The following CTIF variants were observed in gnomAD, a reference collection of about 807,000 sequenced individuals.
CTIF encodes the protein CBP80/20-dependent translation initiation factor.
In CTIF, 21 loss-of-function variants were observed where a neutral mutation model predicts 66.0. The ratio of observed to expected loss-of-function variants is 0.32; its 90% confidence interval spans 0.23 to 0.46. The LOEUF (loss-of-function observed/expected upper bound fraction) is 0.46, where lower values mean the gene tolerates loss of function less well. CTIF is among the 20% of genes least tolerant of loss of function. CTIF has a pLI of 1.00. For synonymous variants in CTIF, 345 were observed against 326.4 expected, an observed-to-expected ratio of 1.06 and a Z score of -0.62; for missense variants, 739 against 812.7, an observed-to-expected ratio of 0.91 and a Z score of 1.10.
intron 1 of CTIF, among the ~76,000 whole-genome samples, chr18:48,561,890 G>A (rs375474213): frequency 4.3e-4 from 66 of 152,212 alleles, no homozygotes; most frequent in African/African-American, 1.6e-3. Flanking sequence ...ACAACTTGCA[G>A]ACTAACTCCA....
intron 9 of CTIF, among the ~76,000 whole-genome samples, chr18:48,765,950 C>T (rs1909486229): frequency 1.6e-5 from 2 of 125,190 alleles, no homozygotes; most frequent in African/African-American, 2.9e-5. Context: ...ATTTTTTAAT[C>T]ATTTTTTCTT....
At chr18:48,749,502 C>G (rs1907588519) in intron 7 of CTIF, among the ~76,000 whole-genome samples, 1 of 151,926 alleles carries the variant, frequency 6.6e-6, no homozygotes, top group Admixed American at 6.5e-5. Context: ...GAAACAGCCC[C>G]TGTCTTCCCA....
chr18:48,740,431 C>A (rs1441365769), intron 7 of CTIF, among the ~76,000 whole-genome samples: 1 of 152,234 alleles, frequency 6.6e-6, no homozygotes, highest in Non-Finnish European at 1.5e-5. Context: ...CACCTGGTGT[C>A]TCCATCGGCT....
At chr18:48,716,095 C>T (rs1053488408) in intron 7 of CTIF, among the ~76,000 whole-genome samples, 3 of 152,046 alleles carry the variant, frequency 2.0e-5, no homozygotes, top group East Asian at 1.9e-4. Context: ...GGCAGTGCCC[C>T]GCTCCTGAAT....
In CTIF at chr18:48,664,438, G is replaced by A. The variant is rs760960143; in HGVS notation, c.327-9G>A. 1.9e-6 allele frequency: 3 copies of A among 1,611,668 alleles called. No individual in the cohort carries two copies. Among genetic ancestry groups the A allele is most frequent in the East Asian group, 2.2e-5 (1 of 44,870 alleles). ...TTGCCTCCGTTTCTCACCCTCCCTC[G>A]CCCTCTAGTGGTGCCACCTGGGACC... On this transcript the variant is annotated splice_polypyrimidine_tract_variant and intron_variant, in intron 4 of 11. Transcript: ENST00000256413.
intron 1 of CTIF, among the ~76,000 whole-genome samples, chr18:48,615,997 C>G (rs926760894): frequency 2.0e-5 from 3 of 152,194 alleles, no homozygotes; most frequent in Non-Finnish European, 2.9e-5. Context: ...GGGTGATGAC[C>G]ATGCCCAGGC....
At chr18:48,563,157 T>C (rs1170019630) in intron 1 of CTIF, among the ~76,000 whole-genome samples, 2 of 152,168 alleles carry the variant, frequency 1.3e-5, no homozygotes, top group African/African-American at 4.8e-5. Context: ...AGTGACTTGA[T>C]TGGCCCCTCC....
chr18:48,848,169 GC>G (rs1404859193), intron 10 of CTIF, among the ~76,000 whole-genome samples: 1 of 152,096 alleles, frequency 6.6e-6, no homozygotes, highest in African/African-American at 2.4e-5. Context: ...GGCTTCCTCC[GC>G]CACCACGGCC....
intron 1 of CTIF, among the ~76,000 whole-genome samples, chr18:48,563,077 G>T (rs111927307): frequency 6.6e-6 from 1 of 152,222 alleles, no homozygotes; most frequent in African/African-American, 2.4e-5. Flanking sequence ...CATAGCACCC[G>T]CCTCTTGGGC....
chr18:48,831,220 A>C (rs949351573), intron 10 of CTIF, among the ~76,000 whole-genome samples: 7 of 152,256 alleles, frequency 4.6e-5, no homozygotes, highest in Admixed American at 3.3e-4. Context: ...CTGTGAGTGA[A>C]CCAGTGCAAA....
At position 48,678,629 on chromosome 18, in the gene CTIF, G is replaced by A. The variant is rs1269532013; in HGVS notation, c.507+7885G>A. Among the ~76,000 whole-genome samples the A allele has an allele frequency of 3.3e-5, 5 of 150,360 alleles. No homozygotes were observed. In the East Asian group the frequency reaches 7.9e-4, roughly 24 times the overall value. ...TTTTAAAGAACTGATTATTCTGGAG[G>A]TGAAGACTTTTGTTGGTGACAACTG... On this transcript the variant is annotated intron_variant, in intron 6 of 11. Transcript: ENST00000256413.
chr18:48,735,096 C>CGTGTGTGT (rs34150644), intron 7 of CTIF, among the ~76,000 whole-genome samples: 1 of 149,750 alleles, frequency 6.7e-6, no homozygotes, highest in Admixed American at 6.6e-5. Flanking sequence ...AGTTTGTGTG[C>CGTGTGTGT]GTGTGTGTGT....
rs547160029 is a variant in CTIF, at chr18:48,843,482, C to G, written c.1528-14106C>G. On this transcript the variant is annotated intron_variant, in intron 10 of 11. Transcript: ENST00000256413. ...ACCCATCTCTAGGCCATGGGACACT[C>G]GGTAGCCTCTCGAGCCCTCCTCCCC... Among the ~76,000 whole-genome samples, 513 of 152,208 alleles carry G rather than the reference C, an allele frequency of 3.4e-3. 4 individuals are homozygous for G. Among genetic ancestry groups the G allele is most frequent in the African/African-American group, 0.012 (482 of 41,522 alleles).
At chr18:48,682,401 T>C (rs1028271029) in intron 6 of CTIF, among the ~76,000 whole-genome samples, 2 of 152,214 alleles carry the variant, frequency 1.3e-5, no homozygotes, top group Admixed American at 1.3e-4. Context: ...TTGCTAGAAC[T>C]GCAAAGTCTT....
intron 1 of CTIF, among the ~76,000 whole-genome samples, chr18:48,560,196 T>C (rs953704009): frequency 2.0e-5 from 3 of 151,796 alleles, no homozygotes; most frequent in Non-Finnish European, 4.4e-5. Flanking sequence ...CTACTTCTTG[T>C]TAGGAGGAAT....
At chr18:48,580,688 G>A (rs1171375399) in intron 1 of CTIF, among the ~76,000 whole-genome samples, 3 of 152,160 alleles carry the variant, frequency 2.0e-5, no homozygotes, top group African/African-American at 7.2e-5. Flanking sequence ...CCTGTTTACC[G>A]GACCGTCGTC....
chr18:48,708,261 G>C (rs1273079847), intron 6 of CTIF, among the ~76,000 whole-genome samples: 1 of 152,172 alleles, frequency 6.6e-6, no homozygotes, highest in Non-Finnish European at 1.5e-5. Flanking sequence ...TGACAGGTTT[G>C]TGACTCAGTA....
At chr18:48,800,802 C>A (rs1279064305) in intron 9 of CTIF, among the ~76,000 whole-genome samples, 1 of 152,246 alleles carries the variant, frequency 6.6e-6, no homozygotes, top group Non-Finnish European at 1.5e-5. Context: ...GTGCCTCACC[C>A]AGGCCTGTCT....
At chr18:48,800,724 G>T (rs1257062860) in intron 9 of CTIF, among the ~76,000 whole-genome samples, 1 of 152,182 alleles carries the variant, frequency 6.6e-6, no homozygotes, top group Non-Finnish European at 1.5e-5. Context: ...TTTCTGGGTG[G>T]GGAACGTGAG....
Sources: gnomAD v4.1 joint callset for allele counts (sites outside exome capture counted in the v4.1 genomes callset) on GRCh38, gnomAD v4.1.1 for gene constraint, MANE v1.5 for transcripts, NCBI Gene and HGNC (gene_info 2026-07-23, HGNC 2026-07-21) for gene names.